Variants in NEGR1 observed in about 807,000 individuals in gnomAD.
NEGR1 encodes IgLON family member 4.
Under a neutral mutation model 40.9 loss-of-function variants are expected in NEGR1, and 10 were observed. That is an observed-to-expected ratio of 0.24 (90% CI 0.15 to 0.42). NEGR1 has a LOEUF of 0.42. NEGR1 is among the 10% of genes least tolerant of loss of function. The probability of loss-of-function intolerance (pLI) is 1.00; values close to 1 mark genes in which losing one functional copy is unlikely to be tolerated. For missense variants in NEGR1, 352 were observed against 438.9 expected, an observed-to-expected ratio of 0.80 and a Z score of 1.77; for synonymous variants, 185 against 166.8, an observed-to-expected ratio of 1.11 and a Z score of -0.84.
intron 4 of NEGR1, among the ~76,000 whole-genome samples, chr1:71,672,654 C>T (rs958586831): frequency 6.6e-6 from 1 of 152,062 alleles, no homozygotes; most frequent in African/African-American, 2.4e-5. Flanking sequence ...AAACAGTGCT[C>T]AATGTTTGCC....
chr1:71,932,119 T>C (rs1194841468), intron 2 of NEGR1, among the ~76,000 whole-genome samples: 2 of 152,078 alleles, frequency 1.3e-5, no homozygotes. Context: ...AGAAAAAATA[T>C]AAAGAGAAAT....
chr1:71,560,321 C>T (rs1039395274), intron 6 of NEGR1, among the ~76,000 whole-genome samples: 1 of 150,372 alleles, frequency 6.7e-6, no homozygotes, highest in African/African-American at 2.4e-5. Flanking sequence ...TTCTTACCTT[C>T]CCAATATCTA....
chr1:71,548,820 T>A (rs1404637738), intron 6 of NEGR1, among the ~76,000 whole-genome samples: 1 of 151,724 alleles, frequency 6.6e-6, no homozygotes, highest in Non-Finnish European at 1.5e-5. Flanking sequence ...CATCTGGTGC[T>A]TACATCAGCT....
intron 2 of NEGR1, among the ~76,000 whole-genome samples, chr1:71,895,603 A>G (rs1489385997): frequency 6.6e-6 from 1 of 151,972 alleles, no homozygotes; most frequent in Non-Finnish European, 1.5e-5. Context: ...TTCAAGATTC[A>G]GCTATATTGT....
At chr1:71,727,646 A>G (rs778338469) in intron 3 of NEGR1, among the ~76,000 whole-genome samples, 63 of 152,312 alleles carry the variant, frequency 4.1e-4, no homozygotes, top group African/African-American at 1.4e-3. Flanking sequence ...AAATAAATTC[A>G]TAAAATGGAC....
chr1:72,055,786 A>T (rs774868570), intron 1 of NEGR1, among the ~76,000 whole-genome samples: 1 of 146,352 alleles, frequency 6.8e-6, no homozygotes, highest in Non-Finnish European at 1.5e-5. Context: ...AATCTATAAT[A>T]TATTATATAT....
intron 1 of NEGR1, among the ~76,000 whole-genome samples, chr1:72,220,531 G>A (rs918497560): frequency 2.0e-5 from 3 of 151,854 alleles, no homozygotes; most frequent in Non-Finnish European, 4.4e-5. Flanking sequence ...TTGTGGTACT[G>A]TACCAAAGAA....
intron 1 of NEGR1, among the ~76,000 whole-genome samples, chr1:72,031,607 T>C (rs1021271755): frequency 2.0e-5 from 3 of 152,142 alleles, no homozygotes; most frequent in African/African-American, 7.2e-5. Context: ...CACAAAGCAT[T>C]ACCGAATTTT....
chr1:72,182,896 C>A (rs550978760), intron 1 of NEGR1, among the ~76,000 whole-genome samples: 1 of 151,808 alleles, frequency 6.6e-6, no homozygotes, highest in African/African-American at 2.4e-5. Flanking sequence ...CTATTTGTGA[C>A]ACTTCATATT....
intron 1 of NEGR1, chr1:72,274,989 T>A: frequency 6.5e-7 from 1 of 1,537,136 alleles, no homozygotes; most frequent in South Asian, 1.1e-5. Context: ...CCATAGTTAG[T>A]ACGACTGTGG....
intron 2 of NEGR1, among the ~76,000 whole-genome samples, chr1:71,841,024 A>C (rs1292879333): frequency 6.6e-6 from 1 of 151,808 alleles, no homozygotes; most frequent in Non-Finnish European, 1.5e-5. Flanking sequence ...GGACTTGCCA[A>C]CCTCCACAAT....
At chr1:71,752,701 T>A (rs1415312183) in intron 3 of NEGR1, among the ~76,000 whole-genome samples, 1 of 149,560 alleles carries the variant, frequency 6.7e-6, no homozygotes, top group Non-Finnish European at 1.5e-5. Context: ...AATCAAATAC[T>A]ATGGAATCAA....
chr1:71,482,770 A>C (rs990092218), intron 6 of NEGR1, among the ~76,000 whole-genome samples: 3 of 151,968 alleles, frequency 2.0e-5, no homozygotes, highest in East Asian at 3.9e-4. Context: ...CTGTGGGCCT[A>C]AGTGTTATTA....
At chr1:72,135,404 CAAAAAAA>C (rs562148946) in intron 1 of NEGR1, among the ~76,000 whole-genome samples, 1 of 65,796 alleles carries the variant, frequency 1.5e-5, no homozygotes, top group African/African-American at 7.9e-5. Context: ...AAACAAAAAA[CAAAAAAA>C]AAAACAAAAC....
intron 3 of NEGR1, among the ~76,000 whole-genome samples, chr1:71,761,855 G>T (rs1457115635): frequency 6.6e-6 from 1 of 152,024 alleles, no homozygotes; most frequent in East Asian, 1.9e-4. Context: ...AGGAAACTTA[G>T]GGCATCAGGT....
chr1:72,045,429 T>A (rs368357491), intron 1 of NEGR1, among the ~76,000 whole-genome samples: 1 of 151,720 alleles, frequency 6.6e-6, no homozygotes, highest in Admixed American at 6.6e-5. Context: ...ATCATTCCCA[T>A]GTGTTGTGGG....
intron 2 of NEGR1, among the ~76,000 whole-genome samples, chr1:71,922,514 T>A (rs1645730637): frequency 6.6e-6 from 1 of 152,208 alleles, no homozygotes; most frequent in Non-Finnish European, 1.5e-5. Context: ...ACCTTAACAT[T>A]GGTATAAATT....
chr1:72,077,964 A>C (rs1647822574), intron 1 of NEGR1, among the ~76,000 whole-genome samples: 1 of 152,214 alleles, frequency 6.6e-6, no homozygotes, highest in Non-Finnish European at 1.5e-5. Context: ...ATAGTAAATA[A>C]TTTCAAATAA....
intron 1 of NEGR1, among the ~76,000 whole-genome samples, chr1:71,998,604 G>T (rs1646526512): frequency 6.6e-6 from 1 of 151,680 alleles, no homozygotes; most frequent in Non-Finnish European, 1.5e-5. Context: ...TTGCTACACA[G>T]ATTCTTACTC....
Sources: allele counts gnomAD v4.1 joint callset (sites outside exome capture counted in the v4.1 genomes callset), GRCh38; gene constraint gnomAD v4.1.1; transcripts MANE v1.5; gene names NCBI Gene and HGNC (gene_info 2026-07-23, HGNC 2026-07-21).